The following SMAD2 variants were observed in gnomAD, a reference collection of about 807,000 sequenced individuals.
SMAD2 encodes the protein SMAD family member 2.
SMAD2 carries 8 observed loss-of-function variants against 64.4 expected under a neutral mutation model. The ratio of observed to expected loss-of-function variants is 0.12; its 90% CI spans 0.07 to 0.22. The LOEUF (loss-of-function observed/expected upper bound fraction) is 0.22, where lower values mean the gene tolerates loss of function less well. Among genes scored for constraint, SMAD2 ranks in the 10% least tolerant of loss-of-function variants. The pLI is 1.00. For missense variants in SMAD2, 289 were observed against 561.2 expected (o/e 0.51, Z 4.90); for synonymous variants, 203 against 195.8 (o/e 1.04, Z -0.31).
chr18:47,845,047 C>T (rs1317711104), intron 10 of SMAD2: 21 of 574,168 alleles, frequency 3.7e-5, no homozygotes, highest in South Asian at 3.2e-4. Context: ...CGTGTGCAAA[C>T]ATCTCTCCTT....
chr18:47,881,115 C>T (rs984738681), intron 2 of SMAD2, among the ~76,000 whole-genome samples: 3 of 152,116 alleles, frequency 2.0e-5, no homozygotes, highest in Non-Finnish European at 4.4e-5. Context: ...TTCCTTCTTC[C>T]GAGTGTCAAT....
At position 47,832,598 on chromosome 18, in the gene SMAD2, AG is replaced by A. The variant is rs1257449687; in HGVS notation, c.*9228del. On this transcript the variant is annotated 3_prime_UTR_variant, in exon 11 of 11. Coordinates refer to ENST00000262160, the MANE Select transcript of SMAD2 (RefSeq NM_005901.6). ...AGAACTGAATTCTTGCAAGGCACAAAGGAAGTGTGGCTGACCTAAATATTTC... is the reference window on the plus strand; with the variant it reads ...AGAACTGAATTCTTGCAAGGCACAAAGAAGTGTGGCTGACCTAAATATTTC... The A allele has an allele frequency of 2.0e-5, 3 of 152,192 alleles. No individual in the cohort carries two copies. Among genetic ancestry groups the A allele is most frequent in the Non-Finnish European group, 2.9e-5 (2 of 68,034 alleles). 9.4% of individuals were successfully genotyped at this position (152,192 alleles called of 1,614,324 possible).
In SMAD2 at chr18:47,815,220, C is replaced by T. The variant is rs1189578459; in HGVS notation, c.*26607G>A. On this transcript the variant is annotated 3_prime_UTR_variant, in exon 11 of 11. Transcript: ENST00000262160. Reference sequence around the variant, plus strand: ...ATAGGCTATTTGAATCGAAAGAGAACGTTATCTTTGATTGGCAAGTTTAAG... The same window carrying T: ...ATAGGCTATTTGAATCGAAAGAGAATGTTATCTTTGATTGGCAAGTTTAAG... The T allele has an allele frequency of 6.6e-6, 1 of 152,182 alleles. No individual in the cohort carries two copies. The highest frequency in any genetic ancestry group is 1.9e-4 in the East Asian group (1 of 5,194). The allele number at this position is 152,182 out of a possible 1,614,324, so 9.4% of individuals were successfully genotyped here.
At chr18:47,873,779 C>G (rs1289140576) in intron 2 of SMAD2, among the ~76,000 whole-genome samples, 1 of 152,156 alleles carries the variant, frequency 6.6e-6, no homozygotes, top group Non-Finnish European at 1.5e-5. Context: ...TGGATGAGAG[C>G]TGCATTTCTG....
Position 47,833,393 on chromosome 18 carries a change from C to T in SMAD2, c.*8434G>A, listed in dbSNP as rs542641647. 3.1e-5 allele frequency: 7 copies of T among 223,050 alleles called. No homozygotes were observed. The East Asian group carries it at 3.9e-4, about 12-fold the overall frequency. 13.8% of individuals were successfully genotyped at this position (223,050 alleles called of 1,614,324 possible). On this transcript the variant is annotated 3_prime_UTR_variant, in exon 11 of 11. Transcript: ENST00000262160. ...AAAACCAGCTGTAATAAAGCCTCAG[C>T]TCATTGTTTAATAAAAATAAAAAAG...
chr18:47,868,092 A>C (rs2031697172), intron 5 of SMAD2, among the ~76,000 whole-genome samples: 1 of 152,172 alleles, frequency 6.6e-6, no homozygotes. Flanking sequence ...ACTTTGATTA[A>C]AGTCACTGCA....
chr18:47,891,713 A>C (rs966451738), intron 2 of SMAD2, among the ~76,000 whole-genome samples: 1 of 152,086 alleles, frequency 6.6e-6, no homozygotes, highest in Non-Finnish European at 1.5e-5. Flanking sequence ...TTGAAGGCAA[A>C]AACAGTCATA....
At position 47,816,337 on chromosome 18, in the gene SMAD2, G is replaced by A. The variant is rs1374329522; in HGVS notation, c.*25490C>T. ...TTAAAAAATACCAAAATATACAGTG[G>A]TCACCCTAAAACTAACATTTTTGGA... is the stretch of plus-strand genomic sequence containing the variant. On this transcript the variant is annotated 3_prime_UTR_variant, in exon 11 of 11. Transcript: ENST00000262160. 6.6e-6 allele frequency: 1 copy of A among 152,070 alleles called. No individual in the cohort carries two copies. The highest frequency in any genetic ancestry group is 1.5e-5 in the Non-Finnish European group (1 of 68,002). The allele number at this position is 152,070 out of a possible 1,614,324, so 9.4% of individuals were successfully genotyped here.
chr18:47,890,326 T>C (rs1598844627), intron 2 of SMAD2, among the ~76,000 whole-genome samples: 1 of 152,378 alleles, frequency 6.6e-6, no homozygotes, highest in East Asian at 1.9e-4. Context: ...TTTATTGCTC[T>C]GACTTTATCA....
rs1343460513 is a variant in SMAD2, at chr18:47,832,772, G to A, written c.*9055C>T. 1 of 152,166 alleles carries A rather than the reference G, an allele frequency of 6.6e-6. No homozygotes were observed. The highest frequency in any genetic ancestry group is 6.6e-5 in the Admixed American group (1 of 15,262). 9.4% of individuals were successfully genotyped at this position (152,166 alleles called of 1,614,324 possible). A position where few individuals can be genotyped will look rare whatever the true frequency, so the allele number is the denominator to read the frequency against. On this transcript the variant is annotated 3_prime_UTR_variant, in exon 11 of 11. Transcript: ENST00000262160. ...TTTTTGTTTACAGCATAGATCTTAT[G>A]TATTAGAGCGCTAATGTAGCATAGG...
At position 47,817,256 on chromosome 18, in the gene SMAD2, T is replaced by C. The variant is rs1912403985; in HGVS notation, c.*24571A>G. 1 of 152,214 alleles carries C rather than the reference T, an allele frequency of 6.6e-6. No individual in the cohort carries two copies. The highest frequency in any genetic ancestry group is 1.5e-5 in the Non-Finnish European group (1 of 68,052). The allele number at this position is 152,214 out of a possible 1,614,324, so 9.4% of individuals were successfully genotyped here. On this transcript the variant is annotated 3_prime_UTR_variant, in exon 11 of 11. Coordinates refer to ENST00000262160, the MANE Select transcript of SMAD2 (RefSeq NM_005901.6). ...TTGGGCTCTCCGCTTACATAGCTTGTCTGTTCTGCCCCAGTGAGTCTTTTC... is the reference window on the plus strand; with the variant it reads ...TTGGGCTCTCCGCTTACATAGCTTGCCTGTTCTGCCCCAGTGAGTCTTTTC...
intron 1 of SMAD2, among the ~76,000 whole-genome samples, chr18:47,930,061 C>T (rs1258969794): frequency 1.3e-5 from 2 of 152,228 alleles, no homozygotes; most frequent in African/African-American, 4.8e-5. Context: ...AACAAGAGCT[C>T]TGGCCCTTCG....
At chr18:47,861,648 T>C (rs2031197510) in intron 6 of SMAD2, among the ~76,000 whole-genome samples, 1 of 152,198 alleles carries the variant, frequency 6.6e-6, no homozygotes, top group Non-Finnish European at 1.5e-5. Context: ...TATCCTGAAG[T>C]TGTCAAACCT....
chr18:47,861,276 A>G (rs2031166796), intron 6 of SMAD2, among the ~76,000 whole-genome samples: 1 of 152,128 alleles, frequency 6.6e-6, no homozygotes, highest in African/African-American at 2.4e-5. Flanking sequence ...GTGAGCTGAG[A>G]TCATGCCATT....
intron 7 of SMAD2, among the ~76,000 whole-genome samples, chr18:47,850,702 T>A (rs2029877622): frequency 4.1e-5 from 1 of 24,576 alleles, no homozygotes; most frequent in Non-Finnish European, 6.4e-5. Flanking sequence ...TAATATATAT[T>A]ATATACTATA....
rs1912672741 is a variant in SMAD2, at chr18:47,824,287, T to G, written c.*17540A>C. ...GAAGAGAGGGATTTTACGCACTACC[T>G]CAAAGACCCAGAAGAAACCACGCCA... On this transcript the variant is annotated 3_prime_UTR_variant, in exon 11 of 11. Coordinates refer to ENST00000262160, the MANE Select transcript of SMAD2 (RefSeq NM_005901.6). The G allele has an allele frequency of 6.6e-6, 1 of 152,190 alleles. No individual in the cohort carries two copies. Among genetic ancestry groups the G allele is most frequent in the Non-Finnish European group, 1.5e-5 (1 of 68,058 alleles). 9.4% of individuals were successfully genotyped at this position (152,190 alleles called of 1,614,324 possible).
At chr18:47,908,039 G>A (rs183447300) in intron 1 of SMAD2, among the ~76,000 whole-genome samples, 1 of 152,318 alleles carries the variant, frequency 6.6e-6, no homozygotes, top group East Asian at 1.9e-4. Context: ...ACATTAAGAA[G>A]TTCCTAAATT....
intron 10 of SMAD2, 149 bp downstream of exon 10, chr18:47,845,191 T>A: frequency 1.2e-6 from 1 of 800,078 alleles, no homozygotes; most frequent in South Asian, 1.4e-5. Flanking sequence ...CAGTTTTGAA[T>A]TTGGAGGCCT....
rs1912285527 is a variant in SMAD2 at position 47,813,892 on chromosome 18, TA to T, written c.*27934del. 6.6e-6 allele frequency: 1 copy of T among 151,970 alleles called. No homozygotes were observed. The highest frequency in any genetic ancestry group is 2.4e-5 in the African/African-American group (1 of 41,340). The allele number at this position is 151,970 out of a possible 1,614,324, so 9.4% of individuals were successfully genotyped here. A position where few individuals can be genotyped will look rare whatever the true frequency, so the allele number is the denominator to read the frequency against. On this transcript the variant is annotated 3_prime_UTR_variant, in exon 11 of 11. Coordinates refer to ENST00000262160, the MANE Select transcript of SMAD2 (RefSeq NM_005901.6). ...ATTTAACAAGAAAGGTAGGCATAGA[TA>T]GGCCTAATTATGATGAATGCTCTCT...
Sources: allele counts gnomAD v4.1 joint callset (sites outside exome capture counted in the v4.1 genomes callset), GRCh38; gene constraint gnomAD v4.1.1; transcripts MANE v1.5; gene names NCBI Gene and HGNC (gene_info 2026-07-23, HGNC 2026-07-21).